The following C5AR2 variants were observed in gnomAD, a reference collection of about 807,000 sequenced individuals.
C5AR2 encodes the protein complement C5a receptor 2.
For synonymous variants in C5AR2, 224 were observed against 216.5 expected (o/e 1.03, Z -0.30); for missense variants, 458 against 467.5 (o/e 0.98, Z 0.19).
intron 1 of C5AR2, among the ~76,000 whole-genome samples, chr19:47,333,980 G>T (rs1290965756): frequency 6.6e-6 from 1 of 152,114 alleles, no homozygotes; most frequent in African/African-American, 2.4e-5. Context: ...GAGGGTGCTT[G>T]CAATCACAAC....
rs1054536184 is a variant in C5AR2, at chr19:47,341,873, C to A, written c.*60C>A. 1.2e-5 allele frequency: 17 copies of A among 1,474,508 alleles called. No homozygotes were observed. Among genetic ancestry groups the A allele is most frequent in the Middle Eastern group, 3.8e-4 (2 of 5,290 alleles). 91.3% of individuals were successfully genotyped at this position (1,474,508 alleles called of 1,614,324 possible). ...CTCATTTCACAAGACTGGCTTCAGG[C>A]ATAGCTGGATCCAGGAGCTCAATGA... On this transcript the variant is annotated 3_prime_UTR_variant, in exon 2 of 2. Transcript: ENST00000595464. The surrounding 1 kb of genome is among the most constrained non-coding windows in gnomAD (Gnocchi z 4.6).
chr19:47,341,646 C>T lies in C5AR2; in HGVS notation c.847C>T (p.His283Tyr), dbSNP rs773084653. The change falls in exon 2 of 2, where the codon CAC becomes TAC. Residue 283 changes from histidine (H) to tyrosine (Y), a missense_variant. Coordinates refer to ENST00000595464, the MANE Select transcript of C5AR2 (RefSeq NM_001271749.2). The surrounding 1 kb of genome is among the most constrained non-coding windows in gnomAD (Gnocchi z 4.6). ...CCTCATCGTGGGCCTTGCCCTCGCT[C>T]ACAGCTGCCTCAATCCCATGCTCTT... ...EPLIVGLALA[H>Y]SCLNPMLFLY... 19 of 1,613,996 alleles carry T rather than the reference C, an allele frequency of 1.2e-5. No individual in the cohort carries two copies. The highest frequency in any genetic ancestry group is 1.6e-4 in the Middle Eastern group (1 of 6,084).
At position 47,342,006 on chromosome 19, in the gene C5AR2, A is replaced by AT. The variant is rs760815222; in HGVS notation, c.*193_*194insT. 26 of 593,716 alleles carry AT rather than the reference A, an allele frequency of 4.4e-5. No homozygotes were observed. The highest frequency in any genetic ancestry group is 6.7e-5 in the Non-Finnish European group (22 of 328,630). The allele number at this position is 593,716 out of a possible 1,614,324, so 36.8% of individuals were successfully genotyped here. Reference sequence around the variant, plus strand: ...TATAGCAGTGACCAAAACAGACACAAATCCTGCCCTCAGGGAGCTGATATT... The same window carrying AT: ...TATAGCAGTGACCAAAACAGACACAATATCCTGCCCTCAGGGAGCTGATATT... On this transcript the variant is annotated 3_prime_UTR_variant, in exon 2 of 2. Transcript: ENST00000595464.
intron 1 of C5AR2, among the ~76,000 whole-genome samples, chr19:47,336,305 G>C (rs1339446947): frequency 1.3e-5 from 2 of 152,046 alleles, no homozygotes; most frequent in African/African-American, 4.8e-5. Flanking sequence ...GCTCAGGCTG[G>C]TCTTGAACTC....
In C5AR2 at chr19:47,341,832, G is replaced by T. The variant is rs370306578; in HGVS notation, c.*19G>T. On this transcript the variant is annotated 3_prime_UTR_variant, in exon 2 of 2. Coordinates refer to ENST00000595464, the MANE Select transcript of C5AR2 (RefSeq NM_001271749.2). The surrounding 1 kb of genome is among the most constrained non-coding windows in gnomAD (Gnocchi z 4.6). ...GGTGTAGGCTGGAGAGACATTGTGG[G>T]TGTGTATCTTCTTATCTCATTTCAC... 2.1e-5 allele frequency: 34 copies of T among 1,608,056 alleles called. No individual in the cohort carries two copies. In the Middle Eastern group the frequency reaches 6.7e-4, roughly 31 times the overall value.
chr19:47,341,412 T>C lies in C5AR2; in HGVS notation c.613T>C (p.Phe205Leu), dbSNP rs1248007725. ...STENAVTAIR[F>L]LFGFLGPLVA... ...CGAGAATGCGGTGACTGCCATCCGG[T>C]TTCTTTTTGGCTTCCTGGGGCCCCT... Residue 205 changes from phenylalanine (F) to leucine (L), a missense_variant, in exon 2 of 2, where the codon TTT (phenylalanine) becomes CTT (leucine). Phe to Leu is a conservative substitution (Grantham distance 22). Coordinates refer to ENST00000595464, the MANE Select transcript of C5AR2 (RefSeq NM_001271749.2). This position sits in a 1 kb window ranked among gnomAD's most constrained non-coding sequence, Gnocchi z 4.6. The C allele has an allele frequency of 1.2e-6, 2 of 1,611,328 alleles. No homozygotes were observed. Among genetic ancestry groups the C allele is most frequent in the African/African-American group, 2.7e-5 (2 of 74,438 alleles).
chr19:47,333,584 C>CTTTT (rs34383862), intron 1 of C5AR2, among the ~76,000 whole-genome samples: 3 of 124,448 alleles, frequency 2.4e-5, no homozygotes, highest in Non-Finnish European at 5.0e-5. Flanking sequence ...GTTCAGACTC[C>CTTTT]TTTTTTTTTT....
Position 47,340,785 on chromosome 19 carries a change from AC to A in C5AR2, c.-14del. ...TTCATCGTCTTTCTCTCCTGCCCAG[AC>A]ACCAGGAGCCTGAATGGGGAACGAT... On this transcript the variant is annotated splice_region_variant and 5_prime_UTR_variant, in exon 2 of 2. Coordinates refer to ENST00000595464, the MANE Select transcript of C5AR2 (RefSeq NM_001271749.2). The A allele has an allele frequency of 6.2e-7, 1 of 1,612,870 alleles. No individual in the cohort carries two copies. Among genetic ancestry groups the A allele is most frequent in the Non-Finnish European group, 8.5e-7 (1 of 1,179,710 alleles).
chr19:47,335,406 C>T (rs1189041126), intron 1 of C5AR2, among the ~76,000 whole-genome samples: 2 of 151,850 alleles, frequency 1.3e-5, no homozygotes, highest in East Asian at 3.9e-4. Flanking sequence ...CTGGTTAAGA[C>T]GTTACAAAGG....
At chr19:47,334,987 G>A (rs2059351988) in intron 1 of C5AR2, among the ~76,000 whole-genome samples, 1 of 151,700 alleles carries the variant, frequency 6.6e-6, no homozygotes, top group Non-Finnish European at 1.5e-5. Context: ...CAGCTTCAAG[G>A]GATTCTCCTG....
intron 1 of C5AR2, among the ~76,000 whole-genome samples, chr19:47,339,867 T>C (rs2059375280): frequency 6.6e-6 from 1 of 152,182 alleles, no homozygotes. Context: ...AACTCCAACA[T>C]AGCCAGCTTC....
rs770224691 is a variant in C5AR2 at position 47,341,048 on chromosome 19, CTGTT to C, written c.253_256del (p.Ser86CysfsTer30). The C allele has an allele frequency of 6.2e-7, 1 of 1,606,598 alleles. No homozygotes were observed. Among genetic ancestry groups the C allele is most frequent in the Admixed American group, 1.7e-5 (1 of 60,028 alleles). On this transcript the variant is annotated frameshift_variant, in exon 2 of 2. Coordinates refer to ENST00000595464, the MANE Select transcript of C5AR2 (RefSeq NM_001271749.2). LOFTEE classifies it low-confidence loss of function (END_TRUNC). This position sits in a 1 kb window ranked among gnomAD's most constrained non-coding sequence, Gnocchi z 4.6. ...ACCTGGCCGTGGCGGATTTGCTGTG[CTGTT>C]TGTCTCTGCCCATCCTGGCAGTGCC... is the stretch of plus-strand genomic sequence containing the variant.
intron 1 of C5AR2, among the ~76,000 whole-genome samples, chr19:47,335,521 C>T (rs1205336421): frequency 6.6e-6 from 1 of 151,398 alleles, no homozygotes; most frequent in Admixed American, 6.6e-5. Context: ...GCCTGTAATC[C>T]CAGCACTTTG....
At chr19:47,333,923 C>T (rs2059348232) in intron 1 of C5AR2, among the ~76,000 whole-genome samples, 1 of 152,106 alleles carries the variant, frequency 6.6e-6, no homozygotes, top group African/African-American at 2.4e-5. Context: ...AGCAGAGAAC[C>T]CAGCAAGACT....
chr19:47,334,300 A>G (rs1417065425), intron 1 of C5AR2, among the ~76,000 whole-genome samples: 1 of 152,016 alleles, frequency 6.6e-6, no homozygotes, highest in Admixed American at 6.6e-5. Context: ...ATAAGTACAG[A>G]CGCTCTTTGA....
At chr19:47,332,577 C>G (rs946727505) in intron 1 of C5AR2, among the ~76,000 whole-genome samples, 1 of 152,006 alleles carries the variant, frequency 6.6e-6, no homozygotes, top group Non-Finnish European at 1.5e-5. Context: ...TTTTCTTTCT[C>G]TTTTTGGAGA....
At chr19:47,334,250 T>C (rs1599737866) in intron 1 of C5AR2, among the ~76,000 whole-genome samples, 1 of 152,216 alleles carries the variant, frequency 6.6e-6, no homozygotes, top group Middle Eastern at 3.4e-3. Flanking sequence ...TTAATTATTA[T>C]GAAATAATAA....
chr19:47,334,190 AG>A (rs2059349065), intron 1 of C5AR2, among the ~76,000 whole-genome samples: 1 of 152,106 alleles, frequency 6.6e-6, no homozygotes, highest in Admixed American at 6.6e-5. Context: ...GTTTGTGTTG[AG>A]GGTTATATCT....
At chr19:47,340,755 G>C (rs1367299643) in intron 1 of C5AR2, 30 bp from the exon 2 acceptor site, 1 of 1,609,674 alleles carries the variant, frequency 6.2e-7, no homozygotes, top group Non-Finnish European at 8.5e-7. Context: ...TTCCTCCTCT[G>C]AGTTTTCATC....
Sources: allele counts gnomAD v4.1 joint callset (sites outside exome capture counted in the v4.1 genomes callset), GRCh38; gene constraint gnomAD v4.1.1; non-coding constraint Gnocchi (gnomAD v3.1); transcripts MANE v1.5; gene names NCBI Gene and HGNC (gene_info 2026-07-23, HGNC 2026-07-21).